GPHN: variants seen among roughly 807,000 people sequenced by gnomAD.
The protein encoded by GPHN is gephyrin.
In GPHN, 17 loss-of-function variants were observed where a neutral mutation model predicts 95.5. The observed-to-expected ratio is 0.18, with a 90% CI of 0.12 to 0.27. The LOEUF (loss-of-function observed/expected upper bound fraction) is 0.27, where lower values mean the gene tolerates loss of function less well. GPHN is among the 10% of genes least tolerant of loss of function. GPHN has a pLI of 1.00. For synonymous variants in GPHN, 320 were observed against 322.5 expected (o/e 0.99, Z 0.08); for missense variants, 660 against 978.1 (o/e 0.67, Z 4.34).
At chr14:67,407,614 T>C in the GPHN span, among the ~76,000 whole-genome samples, 1 of 152,056 alleles carries the variant, frequency 6.6e-6, no homozygotes, top group South Asian at 2.1e-4. Context: ...CTAATTATTT[T>C]ATTTTTTGTA....
At chr14:67,597,077 C>T in the GPHN span, among the ~76,000 whole-genome samples, 831 of 152,286 alleles carry the variant, frequency 5.5e-3, 9 homozygotes, top group African/African-American at 0.019. Context: ...TGGCCCATCT[C>T]AAGCAAAGAA....
At chr14:67,027,358 T>C (rs1204804142) in intron 10 of GPHN, among the ~76,000 whole-genome samples, 1 of 151,968 alleles carries the variant, frequency 6.6e-6, no homozygotes, top group East Asian at 1.9e-4. Flanking sequence ...CGAGACAAAG[T>C]CTTGCTCTGT....
the GPHN span, chr14:67,225,185 C>G: frequency 6.4e-7 from 1 of 1,570,818 alleles, no homozygotes; most frequent in Non-Finnish European, 8.6e-7. Context: ...CTGCCCCTTT[C>G]TCAAGGGAAT....
chr14:66,846,771 A>G (rs1386919360), intron 4 of GPHN, among the ~76,000 whole-genome samples: 1 of 152,134 alleles, frequency 6.6e-6, no homozygotes, highest in African/African-American at 2.4e-5. Context: ...TTAGTTTCAT[A>G]GTAAAGAGTA....
intron 2 of GPHN, among the ~76,000 whole-genome samples, chr14:66,749,275 T>C (rs1472828751): frequency 6.6e-6 from 1 of 152,026 alleles, no homozygotes; most frequent in East Asian, 1.9e-4. Flanking sequence ...TTACAAGTTT[T>C]GGCCATTATG....
At chr14:66,886,414 G>A (rs892294780) in intron 5 of GPHN, among the ~76,000 whole-genome samples, 1 of 152,066 alleles carries the variant, frequency 6.6e-6, no homozygotes, top group Non-Finnish European at 1.5e-5. Flanking sequence ...TCATATTGTA[G>A]GCTAGTAAAT....
chr14:66,582,123 G>T (rs77002005), intron 1 of GPHN, among the ~76,000 whole-genome samples: 1 of 151,974 alleles, frequency 6.6e-6, no homozygotes, highest in African/African-American at 2.4e-5. Context: ...AGGATAGATC[G>T]TAAGTCAGAC....
At chr14:67,115,219 G>A (rs1468542614) in intron 16 of GPHN, among the ~76,000 whole-genome samples, 1 of 151,754 alleles carries the variant, frequency 6.6e-6, no homozygotes, top group African/African-American at 2.4e-5. Flanking sequence ...TCTGTGCCAG[G>A]CACTTTACTG....
chr14:66,815,638 A>T (rs546860943), intron 3 of GPHN, among the ~76,000 whole-genome samples: 1 of 152,348 alleles, frequency 6.6e-6, no homozygotes, highest in Admixed American at 6.5e-5. Flanking sequence ...TACCAGACCT[A>T]CCTTACAAGA....
Position 66,655,140 on chromosome 14 carries a change from A to ACTAAATAATAT in GPHN, c.65-25967_65-25966insCTAAATAATAT, listed in dbSNP as rs1191303173. Among the ~76,000 whole-genome samples, 3 of 152,306 alleles carry ACTAAATAATAT rather than the reference A, an allele frequency of 2.0e-5. No individual in the cohort carries two copies. In the East Asian group the frequency reaches 5.8e-4, roughly 29 times the overall value. ...TGTAAGTTGTAGAATAATATTGTCT[A>ACTAAATAATAT]TGTATACTAAAAATACTCACTGTAA... On this transcript the variant is annotated intron_variant, in intron 1 of 22. Coordinates refer to ENST00000478722, the MANE Select transcript of GPHN (RefSeq NM_020806.5).
chr14:67,198,785 C>T, the GPHN span, among the ~76,000 whole-genome samples: 1 of 152,170 alleles, frequency 6.6e-6, no homozygotes, highest in African/African-American at 2.4e-5. Flanking sequence ...ATGAATGAAA[C>T]TGCATTTCTA....
the GPHN span, among the ~76,000 whole-genome samples, chr14:67,506,625 C>T: frequency 6.6e-6 from 1 of 152,148 alleles, no homozygotes; most frequent in African/African-American, 2.4e-5. Flanking sequence ...AACTCATTTG[C>T]TCCTCAACCT....
the GPHN span, among the ~76,000 whole-genome samples, chr14:67,422,700 G>A: frequency 1.4e-4 from 22 of 152,238 alleles, no homozygotes; most frequent in Admixed American, 1.0e-3. Flanking sequence ...CGGGCTGCAA[G>A]TAACTGAAAA....
the GPHN span, chr14:67,575,342 C>A: frequency 8.8e-7 from 1 of 1,134,142 alleles, no homozygotes; most frequent in Non-Finnish European, 1.3e-6. Context: ...CCTGGATTTA[C>A]TTCTAGAGTT....
At chr14:67,567,157 G>A in the GPHN span, among the ~76,000 whole-genome samples, 938 of 152,146 alleles carry the variant, frequency 6.2e-3, 5 homozygotes, top group African/African-American at 0.021. Context: ...GTGTTCCGGG[G>A]AGAGCTTAAG....
At chr14:66,547,607 T>C (rs1482786674) in intron 1 of GPHN, among the ~76,000 whole-genome samples, 2 of 152,232 alleles carry the variant, frequency 1.3e-5, no homozygotes, top group East Asian at 3.8e-4. Flanking sequence ...TCTTTTGTTA[T>C]GCCAGTATTA....
At chr14:67,270,645 T>G in the GPHN span, 5 of 152,060 alleles carry the variant, frequency 3.3e-5, no homozygotes, top group Admixed American at 6.6e-5. Context: ...GGGAGGACTT[T>G]TTCACTTTTA....
Position 67,111,876 on chromosome 14 carries a change from G to C in GPHN, c.1429G>C (p.Glu477Gln). The C allele has an allele frequency of 6.2e-7, 1 of 1,613,200 alleles. No homozygotes were observed. The highest frequency in any genetic ancestry group is 8.5e-7 in the Non-Finnish European group (1 of 1,179,176). ...GTTATTATAGGGCACTGAAGAACTT[G>C]AAGTGCGAATTCTGGTGCAAGCTCG... ...RESDDGTEELEVRILVQARPG... is the reference protein window; with the variant it reads ...RESDDGTEELQVRILVQARPG... The change falls in exon 15 of 23, where the codon GAA becomes CAA. Residue 477 changes from glutamate to glutamine, a missense_variant. Glu to Gln is a conservative substitution (Grantham distance 29). Around this residue, in one of 6 missense-constraint regions of GPHN, gnomAD observed 257 missense variants for 376.2 expected, o/e 0.68. Transcript: ENST00000478722.
intron 8 of GPHN, among the ~76,000 whole-genome samples, chr14:66,963,374 CATT>C (rs1307878102): frequency 2.0e-5 from 3 of 151,936 alleles, no homozygotes; most frequent in Non-Finnish European, 4.4e-5. Flanking sequence ...CACACAGAGA[CATT>C]ATTCGTGCAG....
Sources: allele counts gnomAD v4.1 joint callset (sites outside exome capture counted in the v4.1 genomes callset), GRCh38; gene constraint gnomAD v4.1.1; regional missense constraint gnomAD v4.1.1; transcripts MANE v1.5; gene names NCBI Gene and HGNC (gene_info 2026-07-23, HGNC 2026-07-21).